Variants in PPIG observed in about 807,000 individuals in gnomAD.
PPIG encodes the protein peptidyl-prolyl cis-trans isomerase G.
Under a neutral mutation model 87.9 loss-of-function variants are expected in PPIG, and 26 were observed. That is an observed-to-expected ratio of 0.30 (90% CI 0.22 to 0.41). The LOEUF (loss-of-function observed/expected upper bound fraction) is 0.41. Among genes scored for constraint, PPIG ranks in the 10% least tolerant of loss-of-function variants. PPIG has a pLI of 1.00. For missense variants in PPIG, 722 were observed against 879.4 expected (o/e 0.82, Z 2.26); for synonymous variants, 308 against 276.5 (o/e 1.11, Z -1.13).
chr2:169,640,732 TTGTTTTAAAAA>T lies in PPIG; in HGVS notation c.*3211_*3221del. On this transcript the variant is annotated 3_prime_UTR_variant, in exon 14 of 14. Coordinates refer to ENST00000260970, the MANE Select transcript of PPIG (RefSeq NM_004792.3). ...AAAAGATGTGTTTTGTTACAAATAC[TTGTTTTAAAAA>T]TTAATAAGCCCCCAGGAAGTACAGC... is the stretch of plus-strand genomic sequence containing the variant. The T allele has an allele frequency of 6.6e-6, 1 of 152,236 alleles. No homozygotes were observed. Among genetic ancestry groups the T allele is most frequent in the Non-Finnish European group, 1.5e-5 (1 of 68,042 alleles). The allele number at this position is 152,236 out of a possible 1,614,324, so 9.4% of individuals were successfully genotyped here. A position where few individuals can be genotyped will look rare whatever the true frequency, so the allele number is the denominator to read the frequency against.
intron 9 of PPIG, among the ~76,000 whole-genome samples, chr2:169,618,406 T>G (rs1685658067): frequency 6.6e-6 from 1 of 152,204 alleles, no homozygotes; most frequent in South Asian, 2.1e-4. Context: ...TTCTATTGTT[T>G]GGAATAGTTT....
At position 169,638,836 on chromosome 2, in the gene PPIG, AC is replaced by A. The variant is rs1686249456; in HGVS notation, c.*1314del. On this transcript the variant is annotated 3_prime_UTR_variant, in exon 14 of 14. Coordinates refer to ENST00000260970, the MANE Select transcript of PPIG (RefSeq NM_004792.3). ...TATTCTGTAATCTCTTCTAAATAAA[AC>A]ATTGAACATCCAGCAAACATAAAAC... is the stretch of plus-strand genomic sequence containing the variant. 1 of 152,010 alleles carries A rather than the reference AC, an allele frequency of 6.6e-6. No individual in the cohort carries two copies. The highest frequency in any genetic ancestry group is 2.1e-4 in the South Asian group (1 of 4,830). The allele number at this position is 152,010 out of a possible 1,614,324, so 9.4% of individuals were successfully genotyped here.
intron 12 of PPIG, 34 bp from the exon 13 acceptor site, chr2:169,636,058 T>A: frequency 6.5e-7 from 1 of 1,542,336 alleles, no homozygotes; most frequent in South Asian, 1.2e-5. Context: ...TATACTTCTA[T>A]ACATTAATTT....
chr2:169,641,358 T>G lies in PPIG; in HGVS notation c.*3835T>G, dbSNP rs1686306136. ...ACAAAATTGAAACTTGGAAGCTGTA[T>G]TAACTTTTATAGTTAAACATTGTAT... On this transcript the variant is annotated 3_prime_UTR_variant, in exon 14 of 14. Coordinates refer to ENST00000260970, the MANE Select transcript of PPIG (RefSeq NM_004792.3). 2 of 152,214 alleles carry G rather than the reference T, an allele frequency of 1.3e-5. No individual in the cohort carries two copies. Among genetic ancestry groups the G allele is most frequent in the Admixed American group, 6.6e-5 (1 of 15,260 alleles). 9.4% of individuals were successfully genotyped at this position (152,214 alleles called of 1,614,324 possible).
In PPIG at chr2:169,611,793, T is replaced by G. The variant is rs935273031; in HGVS notation, c.378-2671T>G. The stretch of plus-strand genomic sequence containing the variant: ...TCTCAGAATCTTCCCTCTAAATGTT[T>G]GTTACTCCTTATATCTTCCTATTTC... On this transcript the variant is annotated intron_variant, in intron 7 of 13. Coordinates refer to ENST00000260970, the MANE Select transcript of PPIG (RefSeq NM_004792.3). Among the ~76,000 whole-genome samples the G allele has an allele frequency of 3.9e-5, 6 of 152,192 alleles. No individual in the cohort carries two copies. The East Asian group carries it at 9.6e-4, about 24-fold the overall frequency.
rs113931408 is a variant in PPIG, at chr2:169,605,481, C to T, written c.137-558C>T. On this transcript the variant is annotated intron_variant, in intron 4 of 13. Transcript: ENST00000260970. ...TCACTCCACTGCACTCCAGCCTGGG[C>T]GACAAGAGTGAGATCCTGTCTCAAT... 5.9e-3 allele frequency among the ~76,000 whole-genome samples: 879 copies of T among 149,584 alleles called. 12 individuals are homozygous for T. Among genetic ancestry groups the T allele is most frequent in the African/African-American group, 0.021 (835 of 40,666 alleles).
At chr2:169,615,449 C>G (rs947402888) in intron 9 of PPIG, among the ~76,000 whole-genome samples, 2 of 152,170 alleles carry the variant, frequency 1.3e-5, no homozygotes, top group Non-Finnish European at 2.9e-5. Context: ...ATTTTATATC[C>G]TTTACCAACA....
rs1198107775 is a variant in PPIG, at chr2:169,639,930, A to AT, written c.*2412dup. 1.3e-5 allele frequency: 2 copies of AT among 152,138 alleles called. No individual in the cohort carries two copies. The highest frequency in any genetic ancestry group is 4.8e-5 in the African/African-American group (2 of 41,446). The allele number at this position is 152,138 out of a possible 1,614,324, so 9.4% of individuals were successfully genotyped here. ...CTAAATTTATGGTTCATGTCAAAGT[A>AT]TTTTTGACTTAATATCCTTTTAAAA... On this transcript the variant is annotated 3_prime_UTR_variant, in exon 14 of 14. Coordinates refer to ENST00000260970, the MANE Select transcript of PPIG (RefSeq NM_004792.3).
intron 12 of PPIG, 138 bp from the exon 13 acceptor site, chr2:169,635,954 A>T: frequency 2.2e-6 from 1 of 462,598 alleles, no homozygotes; most frequent in Non-Finnish European, 3.7e-6. Flanking sequence ...TACTGTTTCA[A>T]TGCTTTTTAT....
intron 6 of PPIG, 148 bp from the exon 7 acceptor site, chr2:169,608,523 T>C (rs1001880289): frequency 4.2e-6 from 2 of 481,046 alleles, no homozygotes; most frequent in East Asian, 3.9e-5. Context: ...TTGATTCATA[T>C]TTGATTCTCT....
rs1476547479 is a variant in PPIG, at chr2:169,637,277, C to G, written c.2019C>G (p.Ser673Arg). ...RMYSKSRDHNSSNNSREKKAD... is the reference protein window; with the variant it reads ...RMYSKSRDHNRSNNSREKKAD... ...ACTCTAAAAGTCGTGATCATAATAG[C>G]TCAAATAACAGCAGGGAAAAAAAGG... Residue 673 changes from serine (S) to arginine (R), a missense_variant, in exon 14 of 14, where the codon AGC becomes AGG. Ser to Arg is a moderately radical substitution (Grantham distance 110, BLOSUM62 -1). Around this residue, in one of 4 missense-constraint regions of PPIG, gnomAD observed 476 missense variants for 483.1 expected, o/e 0.99. Coordinates refer to ENST00000260970, the MANE Select transcript of PPIG (RefSeq NM_004792.3). 6.2e-7 allele frequency: 1 copy of G among 1,609,424 alleles called. No homozygotes were observed. The highest frequency in any genetic ancestry group is 8.5e-7 in the Non-Finnish European group (1 of 1,179,022).
intron 12 of PPIG, among the ~76,000 whole-genome samples, chr2:169,634,994 C>G (rs532187419): frequency 6.6e-6 from 1 of 152,082 alleles, no homozygotes; most frequent in Admixed American, 6.5e-5. Flanking sequence ...AGCACACATT[C>G]CATTAGCTGT....
chr2:169,612,027 G>C (rs942533097), intron 7 of PPIG, among the ~76,000 whole-genome samples: 5 of 152,100 alleles, frequency 3.3e-5, no homozygotes, highest in Non-Finnish European at 1.5e-5. Flanking sequence ...CCAAGCTAGA[G>C]TGCAGTGGCA....
intron 9 of PPIG, among the ~76,000 whole-genome samples, chr2:169,621,273 AG>A: frequency 6.6e-6 from 1 of 151,982 alleles, no homozygotes; most frequent in Non-Finnish European, 1.5e-5. Context: ...GGCATGGAGA[AG>A]GCAAAATGAT....
At chr2:169,628,939 CAAAAA>C (rs71006010) in intron 9 of PPIG, among the ~76,000 whole-genome samples, 16 of 92,326 alleles carry the variant, frequency 1.7e-4, no homozygotes, top group African/African-American at 6.1e-4. Context: ...ACCCTGTCTC[CAAAAA>C]AAAAAAAAAA....
At chr2:169,598,515 TCTC>T (rs1218453621) in intron 1 of PPIG, among the ~76,000 whole-genome samples, 1 of 152,026 alleles carries the variant, frequency 6.6e-6, no homozygotes, top group Non-Finnish European at 1.5e-5. Flanking sequence ...ATGGTCTCGA[TCTC>T]CTGACCTTGT....
rs1686247024 is a variant in PPIG, at chr2:169,638,731, G to A, written c.*1208G>A. The A allele has an allele frequency of 6.6e-6, 1 of 151,988 alleles. No individual in the cohort carries two copies. Among genetic ancestry groups the A allele is most frequent in the African/African-American group, 2.4e-5 (1 of 41,430 alleles). 9.4% of individuals were successfully genotyped at this position (151,988 alleles called of 1,614,324 possible). A position where few individuals can be genotyped will look rare whatever the true frequency, so the allele number is the denominator to read the frequency against. On this transcript the variant is annotated 3_prime_UTR_variant, in exon 14 of 14. Transcript: ENST00000260970. ...AAGTTGCAAATTTTGATAGTTTACA[G>A]AGTTAAACACTAAACATATCCAAAG...
rs528831606 is a variant in PPIG at position 169,585,827 on chromosome 2, A to T, written c.-70+1337A>T. On this transcript the variant is annotated intron_variant, in intron 1 of 13. Coordinates refer to ENST00000260970, the MANE Select transcript of PPIG (RefSeq NM_004792.3). ...CCTGATATTAACTTTCAGTAGTTAAAACCAGGAAAAAAGAGTGAGTGTGTG... is the reference window on the plus strand; with the variant it reads ...CCTGATATTAACTTTCAGTAGTTAATACCAGGAAAAAAGAGTGAGTGTGTG... 2.0e-5 allele frequency among the ~76,000 whole-genome samples: 3 copies of T among 152,280 alleles called. No individual in the cohort carries two copies. In the South Asian group the frequency reaches 6.2e-4, roughly 32 times the overall value.
intron 9 of PPIG, among the ~76,000 whole-genome samples, chr2:169,616,097 T>C (rs1189072022): frequency 6.6e-6 from 1 of 152,106 alleles, no homozygotes; most frequent in Non-Finnish European, 1.5e-5. Flanking sequence ...GAACATGCAG[T>C]GTTTGGTTTT....
Sources: allele counts gnomAD v4.1 joint callset (sites outside exome capture counted in the v4.1 genomes callset), GRCh38; gene constraint gnomAD v4.1.1; regional missense constraint gnomAD v4.1.1; transcripts MANE v1.5; gene names NCBI Gene and HGNC (gene_info 2026-07-23, HGNC 2026-07-21).